The following CLEC4F variants were observed in gnomAD, a reference collection of about 807,000 sequenced individuals.
CLEC4F encodes C-type lectin domain family 4 member F.
CLEC4F carries 45 observed loss-of-function variants against 53.4 expected under a neutral mutation model. That is an observed-to-expected ratio of 0.84 (90% confidence interval 0.66 to 1.08). CLEC4F has a LOEUF of 1.08. CLEC4F is among the 50% of genes least tolerant of loss of function. The pLI, the probability that CLEC4F is intolerant of heterozygous loss-of-function variation, is 0.00. For missense variants in CLEC4F, 753 were observed against 698.2 expected (o/e 1.08, Z -0.88); for synonymous variants, 245 against 257.5 (o/e 0.95, Z 0.46).
At chr2:70,810,475 T>C (rs1449076529) in intron 5 of CLEC4F, among the ~76,000 whole-genome samples, 1 of 151,626 alleles carries the variant, frequency 6.6e-6, no homozygotes, top group African/African-American at 2.4e-5. Flanking sequence ...AAAAATTAGC[T>C]GGGCATGGTG....
chr2:70,817,370 G>T (rs1676981901), intron 3 of CLEC4F, among the ~76,000 whole-genome samples: 1 of 152,208 alleles, frequency 6.6e-6, no homozygotes, highest in South Asian at 2.1e-4. Flanking sequence ...ATGCTTGCCT[G>T]CTGTAAGCCA....
In CLEC4F at chr2:70,816,120, T is replaced by A. The variant is rs1553395732; in HGVS notation, c.1261A>T (p.Ile421Phe). The A allele has an allele frequency of 3.1e-6, 5 of 1,614,098 alleles. No individual in the cohort carries two copies. ...DSNLQKASAE[I>F]QRLRGDLENT... Reference sequence around the variant, plus strand: ...TCTAGATCCCCTCTTAACCTCTGGATCTCGGCACTGGCCTTCTGCAGATTG... The same window carrying A: ...TCTAGATCCCCTCTTAACCTCTGGAACTCGGCACTGGCCTTCTGCAGATTG... The change falls in exon 4 of 7, where the codon ATC becomes TTC. Residue 421 changes from isoleucine (I) to phenylalanine (F), a missense_variant. Transcript: ENST00000272367.
chr2:70,816,987 T>C lies in CLEC4F; in HGVS notation c.394A>G (p.Asn132Asp). The C allele has an allele frequency of 6.2e-7, 1 of 1,614,208 alleles. No individual in the cohort carries two copies. Among genetic ancestry groups the C allele is most frequent in the Non-Finnish European group, 8.5e-7 (1 of 1,180,036 alleles). ...QMLKCRVDNV[N>D]SQLQVLGDHL... ...TCACCGAGCACCTGGAGCTGCGAATTGACATTGTCCACTCTGCACTTCAAC... is the reference window on the plus strand; with the variant it reads ...TCACCGAGCACCTGGAGCTGCGAATCGACATTGTCCACTCTGCACTTCAAC... Residue 132 changes from asparagine (N) to aspartate (D), a missense_variant, in exon 4 of 7, where the codon AAT (asparagine) becomes GAT (aspartate). Asn to Asp is a conservative substitution (Grantham distance 23, BLOSUM62 1). Coordinates refer to ENST00000272367, the MANE Select transcript of CLEC4F (RefSeq NM_173535.3).
chr2:70,817,084 T>C lies in CLEC4F; in HGVS notation c.297A>G (p.Glu99=). The C allele has an allele frequency of 6.2e-7, 1 of 1,610,658 alleles. No homozygotes were observed. Among genetic ancestry groups the C allele is most frequent in the African/African-American group, 1.3e-5 (1 of 75,042 alleles). Residue 99 remains glutamate, a synonymous_variant, in exon 4 of 7, where the codon GAA becomes GAG. Transcript: ENST00000272367. ...TAAATGTCTGGATAAGCTCTCGCAT[T>C]TCTGCCTCCCTGCCAAAGTGGTGAT... ...NNHHHFGREA[E]MRELIQTFKG... is the part of the protein sequence containing the mutation.
Position 70,808,751 on chromosome 2 carries a change from T to G in CLEC4F, c.*520A>C, listed in dbSNP as rs970719491. ...GGCTCTTCCCTTGAGAAGCCACTGA[T>G]GTCACTGGGTCACTCGAGGTAAGCA... On this transcript the variant is annotated 3_prime_UTR_variant, in exon 7 of 7. Coordinates refer to ENST00000272367, the MANE Select transcript of CLEC4F (RefSeq NM_173535.3). 3.1e-6 allele frequency: 1 copy of G among 323,862 alleles called. No homozygotes were observed. Among genetic ancestry groups the G allele is most frequent in the Non-Finnish European group, 5.9e-6 (1 of 169,038 alleles). 20.1% of individuals were successfully genotyped at this position (323,862 alleles called of 1,614,324 possible). A position where few individuals can be genotyped will look rare whatever the true frequency, so the allele number is the denominator to read the frequency against.
chr2:70,811,748 T>C (rs1356783102), intron 5 of CLEC4F, among the ~76,000 whole-genome samples: 1 of 152,162 alleles, frequency 6.6e-6, no homozygotes, highest in Non-Finnish European at 1.5e-5. Flanking sequence ...GGGTCTCCTA[T>C]TCATGGGCCC....
chr2:70,815,951 G>A (rs1553395643), intron 4 of CLEC4F, 43 bp downstream of exon 4: 1 of 1,570,814 alleles, frequency 6.4e-7, no homozygotes, highest in Non-Finnish European at 8.6e-7. Context: ...ACCCTCTCAA[G>A]AGACTGTGCC....
chr2:70,812,215 T>A (rs1348684593), intron 5 of CLEC4F, among the ~76,000 whole-genome samples: 2 of 152,224 alleles, frequency 1.3e-5, no homozygotes, highest in Non-Finnish European at 2.9e-5. Flanking sequence ...TCCCTGCTGA[T>A]GTCTCTTGAC....
In CLEC4F at chr2:70,819,870, G is replaced by C. The variant is rs149541128; in HGVS notation, c.83C>G (p.Ala28Gly). The change falls in exon 2 of 7, where the codon GCT (alanine) becomes GGT (glycine). Residue 28 changes from alanine (A) to glycine (G), a missense_variant. By Grantham distance (60) the Ala-to-Gly change is moderately conservative (BLOSUM62 0). Transcript: ENST00000272367. ...HPQEVDSVAM[A>G]PAAPKIPRLV... ...CCTCGGTATCTTGGGGGCTGCAGGA[G>C]CCATTGCCACAGAGTCCACCTCTGC... is the stretch of plus-strand genomic sequence containing the variant. 1.1e-5 allele frequency: 17 copies of C among 1,600,374 alleles called. No individual in the cohort carries two copies. In the African/African-American group the frequency reaches 2.1e-4, roughly 20 times the overall value.
chr2:70,822,033 A>G (rs1677237739), upstream of CLEC4F, among the ~76,000 whole-genome samples: 1 of 152,160 alleles, frequency 6.6e-6, no homozygotes, highest in Admixed American at 6.5e-5. Context: ...TGCTGGGACT[A>G]CAGGCATGAG....
intron 3 of CLEC4F, among the ~76,000 whole-genome samples, chr2:70,818,980 T>G (rs998626803): frequency 1.3e-5 from 2 of 151,916 alleles, no homozygotes; most frequent in African/African-American, 4.8e-5. Flanking sequence ...TCTATAAAAC[T>G]CTAGAAAAAG....
rs782278242 is a variant in CLEC4F at position 70,816,537 on chromosome 2, T to A, written c.844A>T (p.Asn282Tyr). The change falls in exon 4 of 7, where the codon AAT becomes TAT. Residue 282 changes from asparagine (N) to tyrosine (Y), a missense_variant. Asn to Tyr is a moderately radical substitution (Grantham distance 143). Transcript: ENST00000272367. ...QVLRNSLEGA[N>Y]AEIQGLKENL... Reference sequence around the variant, plus strand: ...TCCTTTAGTCCCTGGATCTCAGCATTGGCTCCTTCCAAACTATTTCTTAAA... The same window carrying A: ...TCCTTTAGTCCCTGGATCTCAGCATAGGCTCCTTCCAAACTATTTCTTAAA... 4 of 1,614,050 alleles carry A rather than the reference T, an allele frequency of 2.5e-6. No individual in the cohort carries two copies. The East Asian group carries it at 6.7e-5, about 27-fold the overall frequency.
intron 2 of CLEC4F, 79 bp from the exon 3 acceptor site, chr2:70,819,523 A>T: frequency 1.5e-6 from 2 of 1,363,182 alleles, no homozygotes; most frequent in Non-Finnish European, 2.1e-6. Context: ...ACAGAGGTAG[A>T]GTTCCAGAAC....
Position 70,812,557 on chromosome 2 carries a change from C to CA in CLEC4F, c.1428dup (p.Gly477TrpfsTer9). 1 of 1,614,210 alleles carries CA rather than the reference C, an allele frequency of 6.2e-7. No homozygotes were observed. Among genetic ancestry groups the CA allele is most frequent in the Non-Finnish European group, 8.5e-7 (1 of 1,180,028 alleles). On this transcript the variant is annotated frameshift_variant, in exon 5 of 7. Transcript: ENST00000272367. LOFTEE classifies it high-confidence loss of function. ...CTAGAAAAATAATATAAGCTTCCACCATTGAACTTCCAGCCTTGCAGGACC... is the reference window on the plus strand; with the variant it reads ...CTAGAAAAATAATATAAGCTTCCACCAATTGAACTTCCAGCCTTGCAGGACC...
upstream of CLEC4F, among the ~76,000 whole-genome samples, chr2:70,822,649 T>C (rs530001102): frequency 6.6e-6 from 1 of 152,244 alleles, no homozygotes; most frequent in Non-Finnish European, 1.5e-5. Context: ...TCCTGTTCTT[T>C]GGTTCCTTCT....
At chr2:70,813,643 C>CTTTCTTTCTTTCTTTT (rs1676734930) in intron 4 of CLEC4F, among the ~76,000 whole-genome samples, 1 of 116,066 alleles carries the variant, frequency 8.6e-6, no homozygotes, top group South Asian at 2.7e-4. Context: ...TTCTTTCTTT[C>CTTTCTTTCTTTCTTTT]GCTCTCTCTC....
upstream of CLEC4F, among the ~76,000 whole-genome samples, chr2:70,824,386 C>A (rs67506291): frequency 0.6 from 91,205 of 151,032 alleles, 27,999 homozygotes; most frequent in Middle Eastern, 0.69. Context: ...ATGATCTTTT[C>A]AAAAAAAATT....
intron 5 of CLEC4F, chr2:70,811,512 T>A (rs1327727531): frequency 2.6e-5 from 11 of 421,972 alleles, no homozygotes; most frequent in Middle Eastern, 8.0e-4. Flanking sequence ...AGAAGATGTG[T>A]TTTACGAAGT....
chr2:70,820,402 G>T, intron 1 of CLEC4F, 61 bp downstream of exon 1: 1 of 1,470,584 alleles, frequency 6.8e-7, no homozygotes, highest in South Asian at 1.2e-5. Flanking sequence ...TATGGCAGAG[G>T]GCCAAAGGAC....
Sources: gnomAD v4.1 joint callset for allele counts (sites outside exome capture counted in the v4.1 genomes callset) on GRCh38, gnomAD v4.1.1 for gene constraint, MANE v1.5 for transcripts, NCBI Gene and HGNC (gene_info 2026-07-23, HGNC 2026-07-21) for gene names.